Variants in MIB1 observed in about 807,000 individuals in gnomAD.
MIB1 encodes E3 ubiquitin-protein ligase MIB1.
In MIB1, 278 loss-of-function variants were observed where a neutral mutation model predicts 124.5. The observed-to-expected ratio is 2.23, with a 90% CI of 2.02 to 2.47. The LOEUF (loss-of-function observed/expected upper bound fraction) is 2.47, where lower values mean the gene tolerates loss of function less well. MIB1 is among the 30% of genes most tolerant of loss of function. MIB1 has a pLI of 0.00. For missense variants in MIB1, 957 were observed against 1,254.4 expected (o/e 0.76, Z 3.58); for synonymous variants, 446 against 429.4 (o/e 1.04, Z -0.48).
At chr18:21,744,362 G>T (rs371412683) in intron 1 of MIB1, among the ~76,000 whole-genome samples, 1 of 152,068 alleles carries the variant, frequency 6.6e-6, no homozygotes, top group Admixed American at 6.5e-5. Flanking sequence ...TACAAAACTA[G>T]TAAGAGTTGC....
rs190918647 is a variant in MIB1, at chr18:21,783,267, G to A, written c.908+3582G>A. On this transcript the variant is annotated intron_variant, in intron 6 of 20. Coordinates refer to ENST00000261537, the MANE Select transcript of MIB1 (RefSeq NM_020774.4). ...GCCTTTTTTTTTTTTTCTTGAGATGGAATCTTACTCTGTCGCCCAGGCTGG... is the reference window on the plus strand; with the variant it reads ...GCCTTTTTTTTTTTTTCTTGAGATGAAATCTTACTCTGTCGCCCAGGCTGG... Among the ~76,000 whole-genome samples, 87 of 150,670 alleles carry A rather than the reference G, an allele frequency of 5.8e-4. 1 individual carries two copies. Among genetic ancestry groups the A allele is most frequent in the Admixed American group, 2.5e-3 (38 of 15,156 alleles).
rs531985535 is a variant in MIB1 at position 21,766,033 on chromosome 18, A to C, written c.401+90A>C. On this transcript the variant is annotated intron_variant, in intron 2 of 20. Transcript: ENST00000261537. ...GGCCTTAAAAATAGGATTAGCAAAT[A>C]GCTTCTGACAGTTGGTTTACTAACA... 2.4e-6 allele frequency: 3 copies of C among 1,231,454 alleles called. No individual in the cohort carries two copies. In the African/African-American group the frequency reaches 4.5e-5, roughly 19 times the overall value. The allele number at this position is 1,231,454 out of a possible 1,614,324, so 76.3% of individuals were successfully genotyped here.
intron 1 of MIB1, among the ~76,000 whole-genome samples, chr18:21,746,024 G>A (rs1031474407): frequency 6.6e-6 from 1 of 152,028 alleles, no homozygotes; most frequent in Non-Finnish European, 1.5e-5. Context: ...ATTTTTGTGT[G>A]TGTCATATTT....
chr18:21,791,888 C>T (rs2041508713), intron 7 of MIB1, among the ~76,000 whole-genome samples: 1 of 152,164 alleles, frequency 6.6e-6, no homozygotes, highest in South Asian at 2.1e-4. Context: ...CAGTGCTGGA[C>T]CAGTGCAGCT....
intron 12 of MIB1, among the ~76,000 whole-genome samples, chr18:21,835,836 C>CACACACACACACACACAA (rs1407473846): frequency 3.2e-4 from 1 of 3,146 alleles, no homozygotes; most frequent in East Asian, 0.017. Context: ...CACACACACA[C>CACACACACACACACACAA]ACAAACACAC....
In MIB1 at chr18:21,801,818, A is replaced by C. The variant is rs369443127; in HGVS notation, c.1371+1844A>C. On this transcript the variant is annotated intron_variant, in intron 9 of 20. Transcript: ENST00000261537. ...GGAGACATTTCTCTTAGGCCTTCTGATAATCTCCGTCTGAACAGGGTCCTC... is the reference window on the plus strand; with the variant it reads ...GGAGACATTTCTCTTAGGCCTTCTGCTAATCTCCGTCTGAACAGGGTCCTC... Among the ~76,000 whole-genome samples the C allele has an allele frequency of 2.4e-4, 37 of 152,038 alleles. 1 individual carries two copies. In the South Asian group the frequency reaches 5.2e-3, roughly 21 times the overall value.
chr18:21,851,727 C>G (rs888874679), intron 17 of MIB1, among the ~76,000 whole-genome samples: 1 of 152,182 alleles, frequency 6.6e-6, no homozygotes, highest in Non-Finnish European at 1.5e-5. Context: ...CAAACAGGCA[C>G]TCTCTAAACA....
chr18:21,798,013 A>T lies in MIB1; in HGVS notation c.1093-71A>T, dbSNP rs573493081. The T allele has an allele frequency of 2.7e-6, 4 of 1,462,160 alleles. 1 individual carries two copies. In the African/African-American group the frequency reaches 5.6e-5, roughly 20 times the overall value. The allele number at this position is 1,462,160 out of a possible 1,614,324, so 90.6% of individuals were successfully genotyped here. ...TAAGTAAAATCATTACTTTAAGCAT[A>T]TAAAAACTAGTGATTGACTTTATGG... On this transcript the variant is annotated intron_variant, in intron 7 of 20. Transcript: ENST00000261537.
intron 18 of MIB1, 35 bp from the exon 19 acceptor site, chr18:21,857,095 C>G: frequency 7.1e-7 from 1 of 1,402,596 alleles, no homozygotes; most frequent in African/African-American, 1.4e-5. Flanking sequence ...TTAATGTTCT[C>G]TCTTGTAAGA....
chr18:21,817,593 A>G (rs534238569), intron 11 of MIB1: 1 of 352,756 alleles, frequency 2.8e-6, no homozygotes, highest in South Asian at 2.2e-5. Flanking sequence ...GCTGTGTTCC[A>G]ATAAAACTTA....
intron 9 of MIB1, 93 bp from the exon 10 acceptor site, chr18:21,803,814 A>G (rs2041675501): frequency 1.2e-6 from 1 of 832,612 alleles, no homozygotes; most frequent in East Asian, 2.7e-5. Context: ...GTGGAATCAT[A>G]CAGTATACTA....
At chr18:21,724,907 A>G (rs1280836561) in intron 1 of MIB1, among the ~76,000 whole-genome samples, 2 of 147,078 alleles carry the variant, frequency 1.4e-5, no homozygotes, top group Non-Finnish European at 3.0e-5. Context: ...CCTGGCTCAC[A>G]TGGTGAAATC....
At chr18:21,836,014 T>TTTGGG in intron 12 of MIB1, among the ~76,000 whole-genome samples, 1 of 151,942 alleles carries the variant, frequency 6.6e-6, no homozygotes, top group Non-Finnish European at 1.5e-5. Context: ...TTTGGGAGGC[T>TTTGGG]AAGGCAGGTG....
At chr18:21,860,466 C>T (rs944637317) in intron 20 of MIB1, among the ~76,000 whole-genome samples, 3 of 151,932 alleles carry the variant, frequency 2.0e-5, no homozygotes, top group Non-Finnish European at 4.4e-5. Flanking sequence ...TTAATAAAAG[C>T]AACAATAAGA....
At chr18:21,746,484 G>A (rs1688686180) in intron 1 of MIB1, among the ~76,000 whole-genome samples, 1 of 152,200 alleles carries the variant, frequency 6.6e-6, no homozygotes, top group Non-Finnish European at 1.5e-5. Flanking sequence ...TAGTGAGCAA[G>A]AAGATTTTGG....
rs1416174953 is a variant in MIB1, at chr18:21,741,007, G to C, written c.-577G>C. On this transcript the variant is annotated 5_prime_UTR_variant, in exon 1 of 21. Transcript: ENST00000261537. The surrounding 1 kb of genome is among the most constrained non-coding windows in gnomAD (Gnocchi z 5.4). ...TGTGGCGGGGCGGAGCGCGGCGGCT[G>C]GTGCGGGGGCAGAGAGAAGGGGGCC... Among the ~76,000 whole-genome samples, 1 of 151,554 alleles carries C rather than the reference G, an allele frequency of 6.6e-6. No individual in the cohort carries two copies. Among genetic ancestry groups the C allele is most frequent in the Non-Finnish European group, 1.5e-5 (1 of 67,830 alleles).
At chr18:21,863,352 A>G (rs913863677) in intron 20 of MIB1, among the ~76,000 whole-genome samples, 1 of 152,108 alleles carries the variant, frequency 6.6e-6, no homozygotes, top group Non-Finnish European at 1.5e-5. Context: ...GGGTACCCAC[A>G]CTCGGTGTGT....
At chr18:21,836,288 T>A (rs1382417508) in intron 12 of MIB1, among the ~76,000 whole-genome samples, 1 of 151,404 alleles carries the variant, frequency 6.6e-6, no homozygotes, top group African/African-American at 2.4e-5. Flanking sequence ...TTTTTTTTTT[T>A]TTTGAGATGG....
At chr18:21,773,423 C>CT (rs2041244379) in intron 3 of MIB1, among the ~76,000 whole-genome samples, 1 of 152,032 alleles carries the variant, frequency 6.6e-6, no homozygotes, top group Non-Finnish European at 1.5e-5. Flanking sequence ...TAGAAATTAC[C>CT]TTATAATTCT....
Sources: allele counts gnomAD v4.1 joint callset (sites outside exome capture counted in the v4.1 genomes callset), GRCh38; gene constraint gnomAD v4.1.1; non-coding constraint Gnocchi (gnomAD v3.1); transcripts MANE v1.5; gene names NCBI Gene and HGNC (gene_info 2026-07-23, HGNC 2026-07-21).